The following NTM variants were observed in gnomAD, a reference collection of about 807,000 sequenced individuals.
The protein encoded by NTM is neurotrimin.
In NTM, 13 loss-of-function variants were observed where a neutral mutation model predicts 42.1. That is an observed-to-expected ratio of 0.31 (90% confidence interval 0.20 to 0.49). The LOEUF (loss-of-function observed/expected upper bound fraction) is 0.49. Among genes scored for constraint, NTM ranks in the 20% least tolerant of loss-of-function variants. The probability of loss-of-function intolerance (pLI) is 0.99; values close to 1 mark genes in which losing one functional copy is unlikely to be tolerated. For missense variants in NTM, 373 were observed against 452.8 expected, an observed-to-expected ratio of 0.82 and a Z score of 1.60; for synonymous variants, 187 against 179.2, an observed-to-expected ratio of 1.04 and a Z score of -0.35.
rs1383091109 is a variant in NTM, at chr11:131,977,712, A to G, written c.167+66064A>G. On this transcript the variant is annotated intron_variant, in intron 2 of 8. Coordinates refer to ENST00000683400, the MANE Select transcript of NTM (RefSeq NM_001352005.2). ...AGGTGATTTTGTTCTTTTTGACTAG[A>G]TACTGTAAATTCTGATGTCCAATTA... 2.6e-5 allele frequency among the ~76,000 whole-genome samples: 4 copies of G among 152,184 alleles called. No homozygotes were observed. The South Asian group carries it at 6.2e-4, about 24-fold the overall frequency.
Position 132,335,200 on chromosome 11 carries a change from A to G in NTM, c.*54A>G, listed in dbSNP as rs2095863385. 6.3e-7 allele frequency: 1 copy of G among 1,598,318 alleles called. No homozygotes were observed. Among genetic ancestry groups the G allele is most frequent in the East Asian group, 2.2e-5 (1 of 44,702 alleles). Reference sequence around the variant, plus strand: ...GGCTGCCGCCACCACCACCACCAACACAACAGCAATGGCAACACCGACAGC... The same window carrying G: ...GGCTGCCGCCACCACCACCACCAACGCAACAGCAATGGCAACACCGACAGC... On this transcript the variant is annotated 3_prime_UTR_variant, in exon 9 of 9. Coordinates refer to ENST00000683400, the MANE Select transcript of NTM (RefSeq NM_001352005.2).
intron 3 of NTM, among the ~76,000 whole-genome samples, chr11:132,210,376 G>T (rs1007174971): frequency 2.0e-5 from 3 of 152,192 alleles, no homozygotes; most frequent in African/African-American, 7.2e-5. Context: ...TTGCACACAG[G>T]TTGGGAAGGT....
At chr11:131,435,438 C>A (rs934186505) in intron 1 of NTM, among the ~76,000 whole-genome samples, 3 of 152,154 alleles carry the variant, frequency 2.0e-5, no homozygotes, top group Admixed American at 6.5e-5. Context: ...AATGTTCTTC[C>A]ATTTGTTTGT....
At chr11:131,926,550 A>G (rs192460761) in intron 2 of NTM, among the ~76,000 whole-genome samples, 16 of 152,232 alleles carry the variant, frequency 1.1e-4, no homozygotes, top group Non-Finnish European at 1.6e-4. Flanking sequence ...TCAAAGCTGA[A>G]TAAGGGGCAG....
At chr11:131,862,160 A>G (rs1208935943) in intron 1 of NTM, among the ~76,000 whole-genome samples, 1 of 152,170 alleles carries the variant, frequency 6.6e-6, no homozygotes, top group Non-Finnish European at 1.5e-5. Flanking sequence ...ACTGTCTGAG[A>G]ATTTTAGCAT....
At chr11:132,303,727 AAAAAC>A (rs202066218) in intron 4 of NTM, among the ~76,000 whole-genome samples, 32 of 150,062 alleles carry the variant, frequency 2.1e-4, no homozygotes, top group Non-Finnish European at 2.7e-4. Flanking sequence ...AAAAAAAAAA[AAAAAC>A]AATCTGTGAA....
At chr11:132,012,771 G>A (rs2072508062) in intron 2 of NTM, among the ~76,000 whole-genome samples, 1 of 152,190 alleles carries the variant, frequency 6.6e-6, no homozygotes, top group Non-Finnish European at 1.5e-5. Flanking sequence ...AGGTGCTGTA[G>A]CCCATCACAG....
At position 132,215,240 on chromosome 11, in the gene NTM, C is replaced by T. The variant is rs143889657; in HGVS notation, c.526+3093C>T. Among the ~76,000 whole-genome samples the T allele has an allele frequency of 3.0e-4, 45 of 151,994 alleles. No individual in the cohort carries two copies. In the East Asian group the frequency reaches 4.0e-3, roughly 14 times the overall value. On this transcript the variant is annotated intron_variant, in intron 4 of 8. Coordinates refer to ENST00000683400, the MANE Select transcript of NTM (RefSeq NM_001352005.2). ...GTTCCATCAAGATCTTTCTTACATGCGAACCTGCCAAATCCCTGGATGAAC... is the reference window on the plus strand; with the variant it reads ...GTTCCATCAAGATCTTTCTTACATGTGAACCTGCCAAATCCCTGGATGAAC...
At chr11:131,462,539 C>T (rs1421220240) in intron 1 of NTM, among the ~76,000 whole-genome samples, 3 of 152,214 alleles carry the variant, frequency 2.0e-5, no homozygotes. Context: ...TTCGGTTCAG[C>T]AGAGAAGAAA....
intron 1 of NTM, among the ~76,000 whole-genome samples, chr11:131,862,856 G>A (rs1411274767): frequency 6.6e-6 from 1 of 152,190 alleles, no homozygotes; most frequent in Non-Finnish European, 1.5e-5. Flanking sequence ...GCCTTTCAGA[G>A]CGGAGAGAGG....
intron 1 of NTM, among the ~76,000 whole-genome samples, chr11:131,511,424 G>A (rs2048232925): frequency 6.6e-6 from 1 of 152,164 alleles, no homozygotes; most frequent in Admixed American, 6.5e-5. Context: ...GGGCTCTCAT[G>A]GGATTCATGC....
chr11:132,018,358 G>A (rs904828213), intron 2 of NTM, among the ~76,000 whole-genome samples: 1 of 152,042 alleles, frequency 6.6e-6, no homozygotes, highest in Non-Finnish European at 1.5e-5. Flanking sequence ...GATGTTACTT[G>A]TGGATTTTTC....
intron 1 of NTM, among the ~76,000 whole-genome samples, chr11:131,686,680 A>C (rs182810829): frequency 2.6e-5 from 4 of 152,256 alleles, no homozygotes; most frequent in African/African-American, 9.6e-5. Context: ...TCAAGGGTCA[A>C]CCGCATCTGG....
chr11:131,992,186 G>A (rs2067145726), intron 2 of NTM, among the ~76,000 whole-genome samples: 1 of 152,074 alleles, frequency 6.6e-6, no homozygotes, highest in African/African-American at 2.4e-5. Context: ...AAGATGAAGA[G>A]TTTTATGATG....
chr11:132,026,129 TATG>T (rs1276329316), intron 2 of NTM, among the ~76,000 whole-genome samples: 2 of 152,204 alleles, frequency 1.3e-5, no homozygotes, highest in Non-Finnish European at 2.9e-5. Flanking sequence ...TGCTAATCAT[TATG>T]ATGAATGCGG....
intron 2 of NTM, among the ~76,000 whole-genome samples, chr11:132,074,245 G>A (rs561998451): frequency 6.6e-6 from 1 of 152,306 alleles, no homozygotes; most frequent in Non-Finnish European, 1.5e-5. Flanking sequence ...TGGACACTGG[G>A]AACACCAGGC....
rs533341891 is a variant in NTM, at chr11:131,562,873, A to G, written c.82+191985A>G. On this transcript the variant is annotated intron_variant, in intron 1 of 8. Transcript: ENST00000683400. ...GCAAATGAAAATAATTTGGGGACCC[A>G]TTTCCTGCCCCTTTAACCATGCTTA... Among the ~76,000 whole-genome samples, 446 of 152,242 alleles carry G rather than the reference A, an allele frequency of 2.9e-3. 1 individual carries two copies. Among genetic ancestry groups the G allele is most frequent in the African/African-American group, 0.01 (420 of 41,540 alleles).
chr11:131,861,645 T>G (rs1354714327), intron 1 of NTM, among the ~76,000 whole-genome samples: 2 of 152,216 alleles, frequency 1.3e-5, no homozygotes, highest in Non-Finnish European at 2.9e-5. Context: ...ATTTCACTCC[T>G]GGCTCATTAT....
At chr11:132,219,022 C>T (rs1038484180) in intron 4 of NTM, among the ~76,000 whole-genome samples, 7 of 152,102 alleles carry the variant, frequency 4.6e-5, no homozygotes, top group African/African-American at 9.7e-5. Context: ...TGAACCCTGG[C>T]GTTTTCATGA....
Sources: gnomAD v4.1 joint callset for allele counts (sites outside exome capture counted in the v4.1 genomes callset) on GRCh38, gnomAD v4.1.1 for gene constraint, MANE v1.5 for transcripts, NCBI Gene and HGNC (gene_info 2026-07-23, HGNC 2026-07-21) for gene names.